Variants in ACVR1 observed in about 807,000 individuals in gnomAD.
ACVR1 encodes activin receptor type-1.
ACVR1 carries 38 observed loss-of-function variants against 57.1 expected under a neutral mutation model. That is an observed-to-expected ratio of 0.67 (90% CI 0.51 to 0.87). The LOEUF (loss-of-function observed/expected upper bound fraction) is 0.87. Among genes scored for constraint, ACVR1 ranks in the 40% least tolerant of loss-of-function variants. The pLI is 0.00. For missense variants in ACVR1, 463 were observed against 638.2 expected (o/e 0.73, Z 2.96); for synonymous variants, 212 against 228.1 (o/e 0.93, Z 0.63).
chr2:157,807,935 C>CCT (rs926856787), intron 2 of ACVR1, among the ~76,000 whole-genome samples: 1 of 148,324 alleles, frequency 6.7e-6, no homozygotes, highest in Non-Finnish European at 1.5e-5. Flanking sequence ...TCTCTCTCTC[C>CCT]CTCTCTCTCT....
At chr2:157,818,307 G>A (rs1688019705) in intron 2 of ACVR1, 78 bp downstream of exon 2, 1 of 152,230 alleles carries the variant, frequency 6.6e-6, no homozygotes. Flanking sequence ...ATTAAAAGAA[G>A]TGATTTGTTG....
At chr2:157,823,612 G>C (rs549956177) in intron 1 of ACVR1, among the ~76,000 whole-genome samples, 1 of 152,266 alleles carries the variant, frequency 6.6e-6, no homozygotes, top group Admixed American at 6.5e-5. Flanking sequence ...CGAAATATTA[G>C]AGCACCTTTC....
chr2:157,806,061 T>C (rs1353924984), intron 2 of ACVR1, among the ~76,000 whole-genome samples: 1 of 151,900 alleles, frequency 6.6e-6, no homozygotes. Context: ...CTCCTGGGCT[T>C]AATCAATCCC....
intron 1 of ACVR1, among the ~76,000 whole-genome samples, chr2:157,853,742 A>G (rs1321842705): frequency 1.3e-5 from 2 of 152,204 alleles, no homozygotes; most frequent in Non-Finnish European, 2.9e-5. Flanking sequence ...CTTATGTCAC[A>G]TCAATTCCCA....
intron 4 of ACVR1, among the ~76,000 whole-genome samples, chr2:157,778,759 A>T (rs1419349914): frequency 6.6e-6 from 1 of 152,186 alleles, no homozygotes; most frequent in Non-Finnish European, 1.5e-5. Flanking sequence ...TCTTTAATAT[A>T]TCCTGGGTGT....
chr2:157,861,452 GCC>G (rs1398477696), intron 1 of ACVR1, among the ~76,000 whole-genome samples: 3 of 152,144 alleles, frequency 2.0e-5, no homozygotes, highest in Admixed American at 1.3e-4. Context: ...GAGATTCTAT[GCC>G]ATCATTGCAT....
chr2:157,777,004 AC>A (rs1686314354), intron 5 of ACVR1, among the ~76,000 whole-genome samples: 1 of 152,146 alleles, frequency 6.6e-6, no homozygotes, highest in South Asian at 2.1e-4. Context: ...CTCACTTAAC[AC>A]CCACAAATCT....
chr2:157,826,984 T>C (rs1688410431), intron 1 of ACVR1, among the ~76,000 whole-genome samples: 1 of 151,478 alleles, frequency 6.6e-6, no homozygotes, highest in Non-Finnish European at 1.5e-5. Flanking sequence ...ACAAAAAGCA[T>C]TAATAATTTC....
chr2:157,751,013 T>C (rs548272684), intron 9 of ACVR1, among the ~76,000 whole-genome samples: 13 of 152,192 alleles, frequency 8.5e-5, no homozygotes, highest in Admixed American at 5.2e-4. Context: ...CATAAACCTT[T>C]GCTCCAATAA....
intron 2 of ACVR1, chr2:157,806,839 C>T (rs1046489266): frequency 6.6e-6 from 1 of 152,142 alleles, no homozygotes; most frequent in African/African-American, 2.4e-5. Context: ...ATTGCCAAGG[C>T]TTGGTTTTAT....
chr2:157,778,303 A>C lies in ACVR1; in HGVS notation c.371T>G (p.Val124Gly), dbSNP rs1278430564. The change falls in exon 5 of 11, where the codon GTT (valine) becomes GGT (glycine). Residue 124 changes from valine (V) to glycine (G), a missense_variant. By Grantham distance (109) the Val-to-Gly change is moderately radical. Coordinates refer to ENST00000434821, the MANE Select transcript of ACVR1 (RefSeq NM_001111067.4). ...FPGTQNFHLEVGLIILSVVFA... is the reference protein window; with the variant it reads ...FPGTQNFHLEGGLIILSVVFA... Reference sequence around the variant, plus strand: ...CACTACAGAGAGAATAATGAGGCCAACCTCCAAGTGGAAATTCTGTGTTCC... The same window carrying C: ...CACTACAGAGAGAATAATGAGGCCACCCTCCAAGTGGAAATTCTGTGTTCC... 1.2e-6 allele frequency: 2 copies of C among 1,613,060 alleles called. No homozygotes were observed. The highest frequency in any genetic ancestry group is 1.3e-5 in the African/African-American group (1 of 74,606).
chr2:157,776,393 T>A (rs1486791769), intron 5 of ACVR1, among the ~76,000 whole-genome samples: 1 of 152,238 alleles, frequency 6.6e-6, no homozygotes, highest in African/African-American at 2.4e-5. Context: ...CATCCTCACA[T>A]CTTCTTGCTA....
intron 1 of ACVR1, among the ~76,000 whole-genome samples, chr2:157,845,252 T>C (rs1388857771): frequency 2.0e-5 from 3 of 152,326 alleles, no homozygotes; most frequent in South Asian, 2.1e-4. Flanking sequence ...CCTTGGAACC[T>C]GTGAGTGTGA....
At chr2:157,818,797 G>A (rs1364069780) in intron 1 of ACVR1, among the ~76,000 whole-genome samples, 3 of 152,064 alleles carry the variant, frequency 2.0e-5, no homozygotes, top group African/African-American at 2.4e-5. Flanking sequence ...CAGTAAGATC[G>A]GCCGGGCGCG....
chr2:157,844,303 T>G (rs1003124489), intron 1 of ACVR1, among the ~76,000 whole-genome samples: 2 of 152,128 alleles, frequency 1.3e-5, no homozygotes, highest in Admixed American at 1.3e-4. Flanking sequence ...GTGACAGCTC[T>G]GCCCCCAAGA....
At chr2:157,771,005 A>G (rs1686052464) in intron 6 of ACVR1, among the ~76,000 whole-genome samples, 1 of 152,224 alleles carries the variant, frequency 6.6e-6, no homozygotes, top group Non-Finnish European at 1.5e-5. Context: ...GTGAATTTAG[A>G]TATGCATTTT....
chr2:157,776,045 C>T (rs533407896), intron 5 of ACVR1, among the ~76,000 whole-genome samples: 12 of 152,244 alleles, frequency 7.9e-5, no homozygotes, highest in African/African-American at 1.7e-4. Context: ...TCAATGTAGA[C>T]GTGCTGTTTA....
At chr2:157,824,685 A>G (rs1447316540) in intron 1 of ACVR1, among the ~76,000 whole-genome samples, 2 of 152,150 alleles carry the variant, frequency 1.3e-5, no homozygotes, top group African/African-American at 2.4e-5. Context: ...ACTTCAGAGA[A>G]GATCAGATTC....
intron 1 of ACVR1, among the ~76,000 whole-genome samples, chr2:157,856,099 A>G (rs1689524066): frequency 6.6e-6 from 1 of 152,158 alleles, no homozygotes; most frequent in African/African-American, 2.4e-5. Context: ...ACAAGACTCT[A>G]CGAGACAGAT....
Sources: allele counts gnomAD v4.1 joint callset (sites outside exome capture counted in the v4.1 genomes callset), GRCh38; gene constraint gnomAD v4.1.1; transcripts MANE v1.5; gene names NCBI Gene and HGNC (gene_info 2026-07-23, HGNC 2026-07-21).